The following ALG13 variants were observed in gnomAD, a reference collection of about 807,000 sequenced individuals.
ALG13 encodes the protein UDP-N-acetylglucosamine transferase subunit ALG13.
In ALG13, 11 loss-of-function variants were observed where a neutral mutation model predicts 87.8. The ratio of observed to expected loss-of-function variants is 0.13; its 90% CI spans 0.08 to 0.21. The LOEUF (loss-of-function observed/expected upper bound fraction) is 0.21, where lower values mean the gene tolerates loss of function less well. ALG13 is among the 10% of genes least tolerant of loss of function. ALG13 has a pLI of 1.00. For missense variants in ALG13, 756 were observed against 866.1 expected, an observed-to-expected ratio of 0.87 and a Z score of 1.60; for synonymous variants, 320 against 306.3, an observed-to-expected ratio of 1.04 and a Z score of -0.47.
chrX:111,736,191 C>T (rs931172789), intron 22 of ALG13, among the ~76,000 whole-genome samples: 1 of 111,180 alleles, frequency 9.0e-6, no homozygotes, highest in Admixed American at 9.6e-5. Flanking sequence ...TAGTCCTAAG[C>T]TACTCAGGAG....
chrX:111,706,309 G>A (rs1569515119), intron 3 of ALG13, among the ~76,000 whole-genome samples: 3 of 112,828 alleles, frequency 2.7e-5, no homozygotes, highest in South Asian at 3.6e-4. Context: ...GATCACAGGC[G>A]TGAGCCATTG....
chrX:111,750,972 A>G (rs964001752), intron 24 of ALG13, among the ~76,000 whole-genome samples: 2 of 110,773 alleles, frequency 1.8e-5, no homozygotes, highest in African/African-American at 6.6e-5. Context: ...CCCGGCCAGC[A>G]ATAACATATT....
intron 14 of ALG13, among the ~76,000 whole-genome samples, chrX:111,724,109 G>C (rs770019991): frequency 8.9e-6 from 1 of 112,161 alleles, no homozygotes; most frequent in East Asian, 2.8e-4. Context: ...CAAATCTTAA[G>C]ACACTAGCCT....
chrX:111,739,386 G>C (rs923688001), intron 23 of ALG13, among the ~76,000 whole-genome samples: 1 of 111,784 alleles, frequency 8.9e-6, no homozygotes, highest in African/African-American at 3.3e-5. Flanking sequence ...ATTTGGGTGG[G>C]GACAGAGTCA....
At chrX:111,719,356 CCAGGAGTGG>C (rs761176047) in intron 10 of ALG13, among the ~76,000 whole-genome samples, 1 of 111,479 alleles carries the variant, frequency 9.0e-6, no homozygotes, top group South Asian at 3.8e-4. Flanking sequence ...TTTGGGACTG[CCAGGAGTGG>C]CAACCATGTA....
intron 15 of ALG13, among the ~76,000 whole-genome samples, 189 bp from the exon 16 acceptor site, chrX:111,726,620 G>C (rs1233710028): frequency 2.7e-5 from 3 of 110,684 alleles, no homozygotes; most frequent in Non-Finnish European, 5.7e-5. Flanking sequence ...GAAATTACCT[G>C]CTGGTTTTGT....
intron 21 of ALG13, 146 bp from the exon 22 acceptor site, chrX:111,734,905 A>G: frequency 2.3e-6 from 1 of 433,254 alleles, no homozygotes; most frequent in South Asian, 4.0e-5. Flanking sequence ...TTTTAGAGTG[A>G]TAACTTTTAG....
intron 3 of ALG13, chrX:111,688,963 C>G: frequency 1.3e-6 from 1 of 741,712 alleles, no homozygotes; most frequent in Non-Finnish European, 1.6e-6. Flanking sequence ...AGAACATTCA[C>G]TATAAAGACC....
At chrX:111,736,295 C>G (rs1264166119) in intron 22 of ALG13, among the ~76,000 whole-genome samples, 1 of 111,303 alleles carries the variant, frequency 9.0e-6, no homozygotes, top group African/African-American at 3.3e-5. Context: ...GGGAGTGAGA[C>G]CCTGTCTCAA....
intron 13 of ALG13, among the ~76,000 whole-genome samples, chrX:111,723,242 C>T (rs963278727): frequency 1.8e-5 from 2 of 108,816 alleles, no homozygotes; most frequent in African/African-American, 6.7e-5. Context: ...CAAGCTCTGC[C>T]TCCCGGGTTC....
chrX:111,711,538 G>C (rs1411112614), intron 5 of ALG13, 137 bp from the exon 6 acceptor site: 1 of 474,187 alleles, frequency 2.1e-6, no homozygotes, highest in Non-Finnish European at 3.4e-6. Flanking sequence ...AAATCTTCTT[G>C]AGGTGCTGTG....
At chrX:111,741,810 C>CA (rs11311106) in intron 23 of ALG13, among the ~76,000 whole-genome samples, 435 of 57,186 alleles carry the variant, frequency 7.6e-3, no homozygotes, top group East Asian at 0.014. Context: ...GACTTTGTCT[C>CA]AAAAAAAAAA....
intron 8 of ALG13, among the ~76,000 whole-genome samples, chrX:111,715,144 G>A (rs1008292882): frequency 9.0e-6 from 1 of 111,658 alleles, no homozygotes; most frequent in African/African-American, 3.3e-5. Flanking sequence ...TAGGGGGAAC[G>A]TTACCCATTG....
intron 19 of ALG13, among the ~76,000 whole-genome samples, chrX:111,729,359 G>A (rs1462404398): frequency 1.8e-5 from 2 of 111,089 alleles, no homozygotes; most frequent in Admixed American, 1.9e-4. Flanking sequence ...TTATGAATAA[G>A]TTCCTTATTT....
chrX:111,697,832 A>G (rs1937172849), intron 3 of ALG13, among the ~76,000 whole-genome samples: 1 of 111,724 alleles, frequency 9.0e-6, no homozygotes, highest in Admixed American at 9.5e-5. Flanking sequence ...CAGTACTGTT[A>G]CTGATTGGAT....
At chrX:111,726,720 A>G (rs1942092186) in intron 15 of ALG13, 89 bp from the exon 16 acceptor site, 1 of 1,049,742 alleles carries the variant, frequency 9.5e-7, no homozygotes, top group East Asian at 3.1e-5. Flanking sequence ...GAAGCATTGG[A>G]AAGTTTAAGG....
chrX:111,682,338 A>T (rs1933651816), intron 2 of ALG13, 44 bp downstream of exon 2: 1 of 1,063,930 alleles, frequency 9.4e-7, no homozygotes, highest in Non-Finnish European at 1.2e-6. Flanking sequence ...TTTAATTTTA[A>T]TTTTTTTTAA....
chrX:111,720,051 T>C, intron 10 of ALG13, 44 bp from the exon 11 acceptor site: 1 of 963,886 alleles, frequency 1.0e-6, no homozygotes, highest in Non-Finnish European at 1.4e-6. Context: ...ATAAGTAAAT[T>C]CTTCATTTAT....
At chrX:111,741,757 G>A (rs758236398) in intron 23 of ALG13, among the ~76,000 whole-genome samples, 1 of 109,112 alleles carries the variant, frequency 9.2e-6, no homozygotes, top group Non-Finnish European at 1.9e-5. Context: ...AGTTTGCATT[G>A]AGCTGAGATC....
Sources: gnomAD v4.1 joint callset for allele counts (sites outside exome capture counted in the v4.1 genomes callset) on GRCh38, gnomAD v4.1.1 for gene constraint, MANE v1.5 for transcripts, NCBI Gene and HGNC (gene_info 2026-07-23, HGNC 2026-07-21) for gene names.